TPST1: variants seen among roughly 807,000 people sequenced by gnomAD.
TPST1 encodes the protein tyrosylprotein sulfotransferase 1, also known as protein-tyrosine sulfotransferase 1.
TPST1 carries 20 observed loss-of-function variants against 34.8 expected under a neutral mutation model. The ratio of observed to expected loss-of-function variants is 0.57; its 90% CI spans 0.40 to 0.84. The LOEUF (loss-of-function observed/expected upper bound fraction) is 0.84. Ranked by LOEUF, TPST1 falls within the 40% of genes least tolerant of loss-of-function variation. The pLI is 0.00. For missense variants in TPST1, 353 were observed against 455.5 expected (o/e 0.78, Z 2.05); for synonymous variants, 152 against 159.4 (o/e 0.95, Z 0.35).
At chr7:66,306,735 G>A (rs1791430774) in intron 3 of TPST1, among the ~76,000 whole-genome samples, 1 of 152,074 alleles carries the variant, frequency 6.6e-6, no homozygotes, top group Admixed American at 6.5e-5. Context: ...GTTTTGAGAT[G>A]GAGTTTCACT....
At chr7:66,301,941 C>T (rs1000661301) in intron 3 of TPST1, among the ~76,000 whole-genome samples, 3 of 152,222 alleles carry the variant, frequency 2.0e-5, no homozygotes, top group African/African-American at 7.2e-5. Context: ...GATTACCACA[C>T]ACCTTCAATT....
chr7:66,312,681 TC>T lies in TPST1; in HGVS notation c.1044+25974del, dbSNP rs1205638764. 3.3e-5 allele frequency among the ~76,000 whole-genome samples: 5 copies of T among 152,192 alleles called. No individual in the cohort carries two copies. In the East Asian group the frequency reaches 9.6e-4, roughly 29 times the overall value. On this transcript the variant is annotated intron_variant, in intron 3 of 5. Coordinates refer to ENST00000304842, the MANE Select transcript of TPST1 (RefSeq NM_003596.4). The stretch of plus-strand genomic sequence containing the variant: ...CGATCATTGATTGTATTGTGGCTTT[TC>T]CTTAAACCCAAAGATTACCCAAAGA...
At chr7:66,266,187 A>G (rs150560518) in intron 2 of TPST1, among the ~76,000 whole-genome samples, 47 of 152,206 alleles carry the variant, frequency 3.1e-4, no homozygotes, top group Admixed American at 5.2e-4. Context: ...TCTCCTCTTC[A>G]CTTTCAGGAG....
intron 2 of TPST1, among the ~76,000 whole-genome samples, chr7:66,254,528 C>T (rs963349833): frequency 2.0e-5 from 3 of 152,082 alleles, no homozygotes; most frequent in Admixed American, 1.3e-4. Context: ...CTCAGCCTCC[C>T]GAGTCGCTGG....
At chr7:66,198,855 T>C in the TPST1 span, among the ~76,000 whole-genome samples, 1 of 152,222 alleles carries the variant, frequency 6.6e-6, no homozygotes, top group East Asian at 1.9e-4. Context: ...TTTCTTTAAA[T>C]TGTATCACCC....
chr7:66,244,263 TA>T (rs1474689837), intron 2 of TPST1, among the ~76,000 whole-genome samples: 8 of 152,170 alleles, frequency 5.3e-5, no homozygotes, highest in South Asian at 4.1e-4. Context: ...GAAAATTGTT[TA>T]AAGTAAATAT....
intron 2 of TPST1, among the ~76,000 whole-genome samples, chr7:66,248,527 A>G (rs1385640826): frequency 7.5e-6 from 1 of 134,178 alleles, no homozygotes; most frequent in Non-Finnish European, 1.5e-5. Context: ...TTTTTGAGAC[A>G]GAGTCTCGCA....
chr7:66,296,247 TCCCC>T (rs1554349788), intron 3 of TPST1, among the ~76,000 whole-genome samples: 2 of 40,118 alleles, frequency 5.0e-5, no homozygotes, highest in African/African-American at 1.3e-4. Flanking sequence ...CACCCACCCT[TCCCC>T]CCCCCCTCCC....
At chr7:66,270,100 GA>G (rs1790676131) in intron 2 of TPST1, among the ~76,000 whole-genome samples, 2 of 152,140 alleles carry the variant, frequency 1.3e-5, no homozygotes, top group Admixed American at 6.5e-5. Flanking sequence ...CAAAGGAGGT[GA>G]GGGAGTTAGC....
At chr7:66,234,434 C>CA (rs1182785548) in intron 1 of TPST1, among the ~76,000 whole-genome samples, 16 of 140,118 alleles carry the variant, frequency 1.1e-4, no homozygotes, top group Non-Finnish European at 1.9e-4. Flanking sequence ...CACACACAGA[C>CA]ACACACACAC....
At chr7:66,253,553 A>G (rs1790314267) in intron 2 of TPST1, among the ~76,000 whole-genome samples, 1 of 151,124 alleles carries the variant, frequency 6.6e-6, no homozygotes, top group African/African-American at 2.4e-5. Flanking sequence ...TTGTATTTTT[A>G]GTAGAGACGG....
At chr7:66,297,471 T>G (rs1232229296) in intron 3 of TPST1, among the ~76,000 whole-genome samples, 2 of 152,224 alleles carry the variant, frequency 1.3e-5, no homozygotes, top group Non-Finnish European at 2.9e-5. Context: ...AGAGCAGATT[T>G]GAGGAACAGA....
chr7:66,203,003 G>A (rs962177229), upstream of TPST1, among the ~76,000 whole-genome samples: 3 of 152,148 alleles, frequency 2.0e-5, no homozygotes, highest in African/African-American at 7.2e-5. Flanking sequence ...TTGAACTCGG[G>A]AGGCGGAGGT....
chr7:66,285,061 C>A (rs1266199414), intron 2 of TPST1, among the ~76,000 whole-genome samples: 1 of 152,126 alleles, frequency 6.6e-6, no homozygotes, highest in East Asian at 1.9e-4. Flanking sequence ...TCCTTATTAT[C>A]TTCAAGGTAA....
chr7:66,262,656 T>G (rs1240078740), intron 2 of TPST1, among the ~76,000 whole-genome samples: 3 of 152,172 alleles, frequency 2.0e-5, no homozygotes, highest in African/African-American at 7.2e-5. Context: ...ACTGTTCTCT[T>G]CTCCTGTCAT....
At chr7:66,343,106 C>T (rs546250384) in intron 3 of TPST1, among the ~76,000 whole-genome samples, 1 of 152,280 alleles carries the variant, frequency 6.6e-6, no homozygotes, top group African/African-American at 2.4e-5. Flanking sequence ...CCACCACACA[C>T]ACCTCACCAC....
chr7:66,275,728 G>A (rs1265727508), intron 2 of TPST1, among the ~76,000 whole-genome samples: 1 of 152,152 alleles, frequency 6.6e-6, no homozygotes, highest in Non-Finnish European at 1.5e-5. Flanking sequence ...GGTTAGAGGA[G>A]TGGGGATTAG....
intron 1 of TPST1, among the ~76,000 whole-genome samples, chr7:66,210,393 A>C (rs1246541774): frequency 6.6e-6 from 1 of 152,226 alleles, no homozygotes; most frequent in African/African-American, 2.4e-5. Flanking sequence ...CTAGAATTGA[A>C]AGTGAAGTCA....
chr7:66,234,703 G>A (rs1242832325), intron 1 of TPST1, among the ~76,000 whole-genome samples: 1 of 152,112 alleles, frequency 6.6e-6, no homozygotes, highest in Non-Finnish European at 1.5e-5. Context: ...TGGAGACGGA[G>A]TCTCGTTCTG....
Sources: gnomAD v4.1 joint callset for allele counts (sites outside exome capture counted in the v4.1 genomes callset) on GRCh38, gnomAD v4.1.1 for gene constraint, MANE v1.5 for transcripts, NCBI Gene and HGNC (gene_info 2026-07-23, HGNC 2026-07-21) for gene names.